Variants in LRRC56 observed in about 807,000 individuals in gnomAD.
LRRC56 encodes leucine-rich repeat-containing protein 56.
Under a neutral mutation model 47.8 loss-of-function variants are expected in LRRC56, and 41 were observed. That is an observed-to-expected ratio of 0.86 (90% CI 0.67 to 1.11). LRRC56 has a LOEUF of 1.11. Ranked by LOEUF, LRRC56 falls within the 50% of genes most tolerant of loss-of-function variation. The pLI, the probability that LRRC56 is intolerant of heterozygous loss-of-function variation, is 0.00. For synonymous variants in LRRC56, 387 were observed against 311.2 expected, an observed-to-expected ratio of 1.24 and a Z score of -2.56; for missense variants, 759 against 704.2, an observed-to-expected ratio of 1.08 and a Z score of -0.88.
At chr11:545,037 C>T (rs760596054) in intron 6 of LRRC56, among the ~76,000 whole-genome samples, 3 of 152,042 alleles carry the variant, frequency 2.0e-5, no homozygotes, top group East Asian at 1.9e-4. Flanking sequence ...GTTGAAAGGA[C>T]GAGGTCCTGG....
the LRRC56 span, among the ~76,000 whole-genome samples, chr11:518,367 G>C: frequency 1.3e-5 from 2 of 152,104 alleles, no homozygotes; most frequent in Non-Finnish European, 2.9e-5. Flanking sequence ...ATTTCTGGTA[G>C]AGACGGGGTT....
At chr11:525,938 A>G in the LRRC56 span, among the ~76,000 whole-genome samples, 1 of 151,746 alleles carries the variant, frequency 6.6e-6, no homozygotes, top group Non-Finnish European at 1.5e-5. Flanking sequence ...GCTCACACCT[A>G]TAATCCCGGC....
intron 8 of LRRC56, among the ~76,000 whole-genome samples, chr11:550,607 C>T (rs1487347393): frequency 6.6e-6 from 1 of 152,204 alleles, no homozygotes; most frequent in Non-Finnish European, 1.5e-5. Flanking sequence ...TACGCCCTGT[C>T]CAGAGCCACC....
At chr11:530,858 G>C in the LRRC56 span, among the ~76,000 whole-genome samples, 2 of 46,362 alleles carry the variant, frequency 4.3e-5, no homozygotes, top group Non-Finnish European at 7.9e-5. Flanking sequence ...GTCCCCTGGA[G>C]AGAAGGGCCA....
the LRRC56 span, among the ~76,000 whole-genome samples, chr11:531,925 C>T: frequency 6.6e-6 from 1 of 152,198 alleles, no homozygotes; most frequent in African/African-American, 2.4e-5. Flanking sequence ...CAGCAGAGAC[C>T]AGAGCCACCG....
rs201960180 is a variant in LRRC56, at chr11:540,765, C to T, written c.81C>T (p.Gly27=). 2 of 1,610,870 alleles carry T rather than the reference C, an allele frequency of 1.2e-6. No individual in the cohort carries two copies. The highest frequency in any genetic ancestry group is 4.5e-5 in the East Asian group (2 of 44,832). The change falls in exon 4 of 14, where the codon GGC becomes GGT. Residue 27 remains glycine, a synonymous_variant. Transcript: ENST00000270115. ...SVRVRELSWQ[G]LHNPCPQSKG... is the part of the protein sequence containing the mutation. The stretch of plus-strand genomic sequence containing the variant: ...GGGTGCGGGAGCTGAGCTGGCAAGG[C>T]CTGCACAACCCCTGCCCACAGAGCA...
chr11:544,636 G>T, intron 5 of LRRC56, 84 bp from the exon 6 acceptor site: 1 of 1,401,024 alleles, frequency 7.1e-7, no homozygotes, highest in Non-Finnish European at 1.0e-6. Context: ...GGGGCCGGGG[G>T]TGCTGATGCC....
the LRRC56 span, among the ~76,000 whole-genome samples, chr11:517,137 TGCTC>T: frequency 1.3e-5 from 2 of 152,224 alleles, no homozygotes; most frequent in East Asian, 3.9e-4. Context: ...GACGGAGTCT[TGCTC>T]ACTCAATGCT....
chr11:552,825 G>C (rs61877802), intron 13 of LRRC56, 123 bp downstream of exon 13: 2 of 871,394 alleles, frequency 2.3e-6, no homozygotes, highest in East Asian at 2.7e-5. Flanking sequence ...CATGCTCTGA[G>C]AGGGACTGTA....
At chr11:523,029 T>TTTTTG in the LRRC56 span, among the ~76,000 whole-genome samples, 1 of 152,008 alleles carries the variant, frequency 6.6e-6, no homozygotes, top group Non-Finnish European at 1.5e-5. Context: ...AATATATAGT[T>TTTTTG]TTTTGTTTTG....
chr11:553,936 C>A, intron 13 of LRRC56, 27 bp from the exon 14 acceptor site: 1 of 1,597,792 alleles, frequency 6.3e-7, no homozygotes, highest in East Asian at 2.2e-5. Context: ...GCCTTTCTGA[C>A]GTCCCATCAC....
At chr11:526,286 A>C in the LRRC56 span, among the ~76,000 whole-genome samples, 1 of 152,232 alleles carries the variant, frequency 6.6e-6, no homozygotes, top group African/African-American at 2.4e-5. Flanking sequence ...TGCAGCAGGC[A>C]CACAGCGCTA....
the LRRC56 span, chr11:529,304 G>A: frequency 6.6e-6 from 1 of 152,488 alleles, no homozygotes; most frequent in Admixed American, 6.5e-5. Flanking sequence ...TGATGGGGCA[G>A]AGCCTGGCAC....
At chr11:550,622 G>A (rs1852335198) in intron 8 of LRRC56, among the ~76,000 whole-genome samples, 1 of 152,142 alleles carries the variant, frequency 6.6e-6, no homozygotes, top group South Asian at 2.1e-4. Context: ...GCCACCTCCA[G>A]CCCCACAGGC....
chr11:547,187 G>A (rs1025371439), intron 6 of LRRC56, among the ~76,000 whole-genome samples: 10 of 151,868 alleles, frequency 6.6e-5, no homozygotes, highest in South Asian at 4.2e-4. Context: ...AGCTGAGATC[G>A]CGCCACTGCA....
At chr11:532,662 T>C (rs730880465), upstream of LRRC56, 3 of 1,612,736 alleles carry the variant, frequency 1.9e-6, no homozygotes, top group Non-Finnish European at 2.5e-6. Flanking sequence ...TTGCAGCTCA[T>C]GCAGCCGGGG....
chr11:532,247 ACCAT>A, the LRRC56 span: 1 of 408,502 alleles, frequency 2.4e-6, no homozygotes, highest in South Asian at 2.7e-5. Flanking sequence ...CAAGATCAAG[ACCAT>A]CCAATAATTT....
upstream of LRRC56, chr11:533,973 C>T: frequency 1.2e-6 from 2 of 1,605,406 alleles, no homozygotes; most frequent in African/African-American, 1.3e-5. Context: ...CAGGGACCCC[C>T]TCAGGACCTT....
At chr11:534,075 C>G (rs879158955), upstream of LRRC56, 1 of 1,186,138 alleles carries the variant, frequency 8.4e-7, no homozygotes, top group Non-Finnish European at 1.2e-6. Context: ...ACGAGGGACT[C>G]CCCTCCTCTA....
Sources: gnomAD v4.1 joint callset for allele counts (sites outside exome capture counted in the v4.1 genomes callset) on GRCh38, gnomAD v4.1.1 for gene constraint, MANE v1.5 for transcripts, NCBI Gene and HGNC (gene_info 2026-07-23, HGNC 2026-07-21) for gene names.